ZNF804A: variants seen among roughly 807,000 people sequenced by gnomAD.
ZNF804A encodes zinc finger protein 804A.
A neutral mutation model predicts 16.5 loss-of-function variants in ZNF804A; 2 were observed. That is an observed-to-expected ratio of 0.12 (90% CI 0.05 to 0.38). The LOEUF is 0.38. Ranked by LOEUF, ZNF804A falls within the 10% of genes least tolerant of loss-of-function variation. The probability of loss-of-function intolerance (pLI) is 0.99; values close to 1 mark genes in which losing one functional copy is unlikely to be tolerated. For missense variants in ZNF804A, 1,473 were observed against 1,390.7 expected, an observed-to-expected ratio of 1.06 and a Z score of -0.94; for synonymous variants, 534 against 489.6, an observed-to-expected ratio of 1.09 and a Z score of -1.20.
intron 1 of ZNF804A, among the ~76,000 whole-genome samples, chr2:184,779,933 A>C (rs1694348392): frequency 6.6e-6 from 1 of 151,750 alleles, no homozygotes; most frequent in Non-Finnish European, 1.5e-5. Flanking sequence ...CAAGGTTTCA[A>C]GGGTCTCAGT....
intron 1 of ZNF804A, among the ~76,000 whole-genome samples, chr2:184,667,612 A>G (rs1417597881): frequency 6.6e-6 from 1 of 151,882 alleles, no homozygotes; most frequent in Non-Finnish European, 1.5e-5. Flanking sequence ...ATTCATAAAC[A>G]TATTAGGAAA....
At chr2:184,677,952 G>A (rs1269059584) in intron 1 of ZNF804A, among the ~76,000 whole-genome samples, 3 of 151,936 alleles carry the variant, frequency 2.0e-5, no homozygotes, top group Admixed American at 2.0e-4. Context: ...TACACTATCT[G>A]ACTATCATAT....
chr2:184,642,384 A>G (rs993810370), intron 1 of ZNF804A, among the ~76,000 whole-genome samples: 7 of 152,042 alleles, frequency 4.6e-5, no homozygotes, highest in Admixed American at 4.6e-4. Context: ...CTTTCCATGG[A>G]TATGATCTTA....
chr2:184,764,391 G>C (rs1694085646), intron 1 of ZNF804A, among the ~76,000 whole-genome samples: 1 of 152,078 alleles, frequency 6.6e-6, no homozygotes, highest in East Asian at 1.9e-4. Flanking sequence ...TCAGTATTTT[G>C]TATTTCATTC....
At chr2:184,935,671 G>T (rs1167442570) in intron 3 of ZNF804A, 112 bp from the exon 4 acceptor site, 2 of 1,273,786 alleles carry the variant, frequency 1.6e-6, no homozygotes, top group Admixed American at 2.8e-5. Context: ...CTGTCACAAA[G>T]ATTTTAAAAT....
chr2:184,712,806 TA>T (rs1253135245), intron 1 of ZNF804A, among the ~76,000 whole-genome samples: 1 of 151,718 alleles, frequency 6.6e-6, no homozygotes, highest in Non-Finnish European at 1.5e-5. Context: ...TGAACTACAC[TA>T]GGAAATTTTT....
intron 1 of ZNF804A, among the ~76,000 whole-genome samples, chr2:184,606,846 CACACACACAT>C (rs1354888022): frequency 3.3e-5 from 5 of 151,922 alleles, no homozygotes; most frequent in Non-Finnish European, 5.9e-5. Flanking sequence ...CACACACACA[CACACACACAT>C]ACACACACAC....
At chr2:184,888,260 G>A (rs1053707126) in intron 2 of ZNF804A, among the ~76,000 whole-genome samples, 11 of 151,810 alleles carry the variant, frequency 7.2e-5, no homozygotes, top group Admixed American at 1.3e-4. Flanking sequence ...AATTTTCTCC[G>A]AGAAGTAAAG....
chr2:184,763,994 T>C (rs1694081139), intron 1 of ZNF804A, among the ~76,000 whole-genome samples: 1 of 152,052 alleles, frequency 6.6e-6, no homozygotes, highest in Admixed American at 6.6e-5. Flanking sequence ...TGTCCTCTCA[T>C]GCCCACCCCC....
At chr2:184,629,958 C>T (rs546179458) in intron 1 of ZNF804A, among the ~76,000 whole-genome samples, 5 of 152,236 alleles carry the variant, frequency 3.3e-5, no homozygotes, top group East Asian at 1.9e-4. Context: ...ATACACTATA[C>T]ATTTCCTTTG....
intron 2 of ZNF804A, among the ~76,000 whole-genome samples, chr2:184,915,362 A>G (rs1056229329): frequency 6.6e-6 from 1 of 152,126 alleles, no homozygotes; most frequent in African/African-American, 2.4e-5. Flanking sequence ...ATCTATATAA[A>G]GTTGAGCCAT....
intron 1 of ZNF804A, among the ~76,000 whole-genome samples, chr2:184,790,318 G>A (rs928057286): frequency 1.0e-4 from 15 of 150,032 alleles, no homozygotes; most frequent in African/African-American, 3.7e-4. Context: ...TGTATATTTT[G>A]TAATTGTTTG....
intron 1 of ZNF804A, among the ~76,000 whole-genome samples, chr2:184,851,073 G>T (rs1695594797): frequency 6.6e-6 from 1 of 151,546 alleles, no homozygotes; most frequent in Non-Finnish European, 1.5e-5. Flanking sequence ...TTAATTGGCA[G>T]CTTTTATGTA....
At chr2:184,829,832 C>G (rs1057170450) in intron 1 of ZNF804A, among the ~76,000 whole-genome samples, 1 of 139,564 alleles carries the variant, frequency 7.2e-6, no homozygotes, top group African/African-American at 2.7e-5. Context: ...AAGGCCAAGA[C>G]TGGCAGATTG....
intron 1 of ZNF804A, among the ~76,000 whole-genome samples, chr2:184,698,257 T>C (rs1031700980): frequency 2.0e-5 from 3 of 152,210 alleles, no homozygotes; most frequent in Admixed American, 2.0e-4. Flanking sequence ...GGTTCAACCA[T>C]TATAAAAGGT....
chr2:184,732,121 C>T (rs753150616), intron 1 of ZNF804A, among the ~76,000 whole-genome samples: 6 of 152,040 alleles, frequency 3.9e-5, no homozygotes, highest in Admixed American at 1.3e-4. Context: ...CCAAAAATAT[C>T]TTGCCAAACT....
At chr2:184,875,574 T>C (rs545511763) in intron 2 of ZNF804A, among the ~76,000 whole-genome samples, 1 of 152,202 alleles carries the variant, frequency 6.6e-6, no homozygotes, top group Non-Finnish European at 1.5e-5. Context: ...ATCAGCCTCT[T>C]TTCTTTATAA....
At chr2:184,860,356 G>C (rs1458432368) in intron 1 of ZNF804A, among the ~76,000 whole-genome samples, 1 of 152,230 alleles carries the variant, frequency 6.6e-6, no homozygotes, top group Non-Finnish European at 1.5e-5. Context: ...TTTGATGTTT[G>C]AGGCCAGAAG....
At chr2:184,638,798 A>G (rs1292869718) in intron 1 of ZNF804A, among the ~76,000 whole-genome samples, 1 of 152,148 alleles carries the variant, frequency 6.6e-6, no homozygotes, top group Non-Finnish European at 1.5e-5. Flanking sequence ...TATCTTCATC[A>G]CATAATTGAT....
Sources: gnomAD v4.1 joint callset for allele counts (sites outside exome capture counted in the v4.1 genomes callset) on GRCh38, gnomAD v4.1.1 for gene constraint, MANE v1.5 for transcripts, NCBI Gene and HGNC (gene_info 2026-07-23, HGNC 2026-07-21) for gene names.